DIAPH2: variants seen among roughly 807,000 people sequenced by gnomAD.
DIAPH2 encodes protein diaphanous homolog 2.
DIAPH2 carries 35 observed loss-of-function variants against 92.7 expected under a neutral mutation model. The observed-to-expected ratio is 0.38, with a 90% CI of 0.29 to 0.50. The LOEUF is 0.50. Ranked by LOEUF, DIAPH2 falls within the 20% of genes least tolerant of loss-of-function variation. The pLI is 0.94. For synonymous variants in DIAPH2, 301 were observed against 280.4 expected (o/e 1.07, Z -0.73); for missense variants, 701 against 819.5 (o/e 0.86, Z 1.77).
chrX:97,188,940 T>C (rs1438326554), intron 22 of DIAPH2, among the ~76,000 whole-genome samples: 1 of 111,948 alleles, frequency 8.9e-6, no homozygotes, highest in African/African-American at 3.3e-5. Context: ...TCATTTACAT[T>C]CTCTAGTAAT....
chrX:96,906,689 A>C (rs1043468320), intron 5 of DIAPH2, among the ~76,000 whole-genome samples: 1 of 112,415 alleles, frequency 8.9e-6, no homozygotes, highest in African/African-American at 3.2e-5. Flanking sequence ...TTATGCATTT[A>C]GCCATGCAGC....
intron 23 of DIAPH2, among the ~76,000 whole-genome samples, chrX:97,276,058 C>T (rs947340772): frequency 5.3e-5 from 6 of 112,739 alleles, no homozygotes; most frequent in South Asian, 3.6e-4. Flanking sequence ...GCAGATCACT[C>T]GCGGTTAAGA....
chrX:97,142,035 A>G (rs751569012), intron 22 of DIAPH2, among the ~76,000 whole-genome samples: 1 of 111,877 alleles, frequency 8.9e-6, no homozygotes, highest in South Asian at 3.7e-4. Flanking sequence ...TTCTCTGATC[A>G]GATAATATGT....
At chrX:96,818,471 T>A (rs1244166189) in intron 4 of DIAPH2, among the ~76,000 whole-genome samples, 1 of 111,782 alleles carries the variant, frequency 8.9e-6, no homozygotes, top group Non-Finnish European at 1.9e-5. Flanking sequence ...ACTGCTTTTC[T>A]ACTGCCTACA....
chrX:97,213,074 C>A (rs1439765221), intron 22 of DIAPH2, among the ~76,000 whole-genome samples: 8 of 111,614 alleles, frequency 7.2e-5, no homozygotes, highest in African/African-American at 2.6e-4. Context: ...GTGGAATTCA[C>A]ATGAAGATTT....
At chrX:97,113,597 C>A (rs1416288316) in intron 20 of DIAPH2, among the ~76,000 whole-genome samples, 7 of 112,004 alleles carry the variant, frequency 6.2e-5, no homozygotes, top group Non-Finnish European at 1.1e-4. Flanking sequence ...GGTTAATGGG[C>A]AAATTCGAAG....
chrX:97,045,284 A>G (rs924691829), intron 17 of DIAPH2, among the ~76,000 whole-genome samples: 3 of 112,024 alleles, frequency 2.7e-5, no homozygotes, highest in African/African-American at 9.7e-5. Context: ...GGTCAAGAAT[A>G]GAGAGTTATG....
chrX:96,827,918 A>C (rs984203369), intron 4 of DIAPH2, among the ~76,000 whole-genome samples: 2 of 111,052 alleles, frequency 1.8e-5, no homozygotes, highest in African/African-American at 6.6e-5. Flanking sequence ...ACAGGTGCCC[A>C]CTACCTCGCC....
chrX:97,318,482 CTTTTTTTTTTTTTTTT>C (rs745350367), intron 23 of DIAPH2, among the ~76,000 whole-genome samples: 592 of 46,312 alleles, frequency 0.013, 15 homozygotes, highest in African/African-American at 0.052. Flanking sequence ...TTTTTCTTTA[CTTTTTTTTTTTTTTTT>C]TTTTTTTTTT....
At chrX:97,275,394 G>C (rs1301846417) in intron 23 of DIAPH2, among the ~76,000 whole-genome samples, 1 of 105,149 alleles carries the variant, frequency 9.5e-6, no homozygotes, top group African/African-American at 3.5e-5. Flanking sequence ...TCCCTCCTGG[G>C]TGGGGCGGCT....
intron 4 of DIAPH2, among the ~76,000 whole-genome samples, chrX:96,814,314 A>T (rs1044067187): frequency 9.0e-6 from 1 of 111,200 alleles, no homozygotes; most frequent in East Asian, 2.8e-4. Flanking sequence ...CCTTGATCGA[A>T]TCATGTGTTG....
chrX:97,308,883 G>T (rs2147637369), intron 23 of DIAPH2, among the ~76,000 whole-genome samples: 1 of 104,662 alleles, frequency 9.6e-6, no homozygotes, highest in East Asian at 3.3e-4. Flanking sequence ...GCTGGGCGTG[G>T]TGGTGCATGC....
chrX:97,480,403 A>G (rs1476768541), intron 26 of DIAPH2, among the ~76,000 whole-genome samples: 1 of 111,546 alleles, frequency 9.0e-6, no homozygotes, highest in African/African-American at 3.3e-5. Context: ...TTGTGTCCAG[A>G]GCTGTGAGAG....
chrX:96,690,944 T>C (rs943248700), intron 1 of DIAPH2, among the ~76,000 whole-genome samples: 10 of 111,821 alleles, frequency 8.9e-5, no homozygotes, highest in African/African-American at 3.2e-4. Flanking sequence ...CACTGAGTCA[T>C]TGTGCTTCAG....
At chrX:97,006,667 G>T (rs1313230099) in intron 17 of DIAPH2, among the ~76,000 whole-genome samples, 1 of 111,896 alleles carries the variant, frequency 8.9e-6, no homozygotes, top group Non-Finnish European at 1.9e-5. Flanking sequence ...TTTCTTGAAA[G>T]CAACAATGCA....
Position 97,405,758 on chromosome X carries a change from G to C in DIAPH2, c.3145+21714G>C, listed in dbSNP as rs150645390. ...AAACCATATGAAATTGTTGCCATTT[G>C]ACTGTTTTTTGCCTACAAAATGACA... is the stretch of plus-strand genomic sequence containing the variant. On this transcript the variant is annotated intron_variant, in intron 25 of 26. Coordinates refer to ENST00000324765, the MANE Select transcript of DIAPH2 (RefSeq NM_006729.5). Among the ~76,000 whole-genome samples, 335 of 111,294 alleles carry C rather than the reference G, an allele frequency of 3.0e-3. 1 individual carries two copies. Among genetic ancestry groups the C allele is most frequent in the African/African-American group, 9.0e-3 (275 of 30,637 alleles).
At chrX:97,263,425 A>AT (rs2068305097) in intron 23 of DIAPH2, among the ~76,000 whole-genome samples, 2 of 111,477 alleles carry the variant, frequency 1.8e-5, no homozygotes, top group African/African-American at 6.5e-5. Context: ...ATGCTAGAAT[A>AT]TTTTTTTAAG....
At chrX:97,112,765 C>CTTTTTTTTTTTTTTT (rs60721723) in intron 20 of DIAPH2, among the ~76,000 whole-genome samples, 7 of 37,243 alleles carry the variant, frequency 1.9e-4, no homozygotes, top group African/African-American at 8.5e-4. Context: ...CCCTTTCTTT[C>CTTTTTTTTTTTTTTT]TTTTTTTTTT....
chrX:97,189,532 T>C, intron 22 of DIAPH2, among the ~76,000 whole-genome samples: 1 of 104,440 alleles, frequency 9.6e-6, no homozygotes, highest in African/African-American at 3.5e-5. Flanking sequence ...AGGATATGGA[T>C]AGTGAATTAC....
Sources: gnomAD v4.1 joint callset for allele counts (sites outside exome capture counted in the v4.1 genomes callset) on GRCh38, gnomAD v4.1.1 for gene constraint, MANE v1.5 for transcripts, NCBI Gene and HGNC (gene_info 2026-07-23, HGNC 2026-07-21) for gene names.